The following NALF1 variants were observed in gnomAD, a reference collection of about 807,000 sequenced individuals.
NALF1 encodes the protein family with sequence similarity 155 member A.
NALF1 carries 3 observed loss-of-function variants against 48.4 expected under a neutral mutation model. The ratio of observed to expected loss-of-function variants is 0.06; its 90% CI spans 0.03 to 0.16. The LOEUF (loss-of-function observed/expected upper bound fraction) is 0.16, where lower values mean the gene tolerates loss of function less well. Ranked by LOEUF, NALF1 falls within the 10% of genes least tolerant of loss-of-function variation. NALF1 has a pLI of 1.00. For missense variants in NALF1, 526 were observed against 571.5 expected, an observed-to-expected ratio of 0.92 and a Z score of 0.81; for synonymous variants, 262 against 245.7, an observed-to-expected ratio of 1.07 and a Z score of -0.62.
chr13:107,350,828 G>A (rs1464883028), intron 1 of NALF1, among the ~76,000 whole-genome samples: 1 of 152,136 alleles, frequency 6.6e-6, no homozygotes, highest in East Asian at 1.9e-4. Context: ...TGAATGTGTG[G>A]GTCTTGGGTA....
intron 1 of NALF1, among the ~76,000 whole-genome samples, chr13:107,469,398 G>GA (rs914269937): frequency 1.3e-4 from 19 of 151,834 alleles, no homozygotes; most frequent in Admixed American, 1.2e-3. Flanking sequence ...TATGGCAGCA[G>GA]AAAAAAAATG....
intron 1 of NALF1, among the ~76,000 whole-genome samples, chr13:107,509,520 G>C (rs1875810215): frequency 6.6e-6 from 1 of 152,106 alleles, no homozygotes; most frequent in Admixed American, 6.6e-5. Context: ...CCAAACACTT[G>C]TCAGTTTGTC....
chr13:107,855,810 C>G (rs1474783420), intron 1 of NALF1, among the ~76,000 whole-genome samples: 3 of 152,146 alleles, frequency 2.0e-5, no homozygotes, highest in African/African-American at 7.2e-5. Context: ...ACTGAGTTTG[C>G]CCATGATGTT....
At chr13:107,194,073 G>A (rs527293192) in intron 2 of NALF1, among the ~76,000 whole-genome samples, 83 of 149,588 alleles carry the variant, frequency 5.5e-4, no homozygotes, top group Middle Eastern at 3.5e-3. Flanking sequence ...TCAATCTATC[G>A]TTTTAATGAA....
At chr13:107,197,002 G>T (rs1566447691) in intron 2 of NALF1, among the ~76,000 whole-genome samples, 1 of 152,094 alleles carries the variant, frequency 6.6e-6, no homozygotes, top group Non-Finnish European at 1.5e-5. Context: ...TTGGAGGTGG[G>T]GCCTTTGGAA....
chr13:107,555,249 GTTTGA>G (rs753680465), intron 1 of NALF1, among the ~76,000 whole-genome samples: 1 of 150,622 alleles, frequency 6.6e-6, no homozygotes, highest in South Asian at 2.1e-4. Flanking sequence ...GGGAGAAGAT[GTTTGA>G]TTTATTATTA....
At chr13:107,733,031 T>A (rs1021967693) in intron 1 of NALF1, among the ~76,000 whole-genome samples, 5 of 152,136 alleles carry the variant, frequency 3.3e-5, no homozygotes, top group Non-Finnish European at 5.9e-5. Context: ...ATATAAAGAA[T>A]GTATGAAATA....
At chr13:107,197,514 G>A (rs1594065307) in intron 2 of NALF1, among the ~76,000 whole-genome samples, 1 of 152,090 alleles carries the variant, frequency 6.6e-6, no homozygotes, top group Non-Finnish European at 1.5e-5. Context: ...TTGAGCTACC[G>A]TGTTAGACAA....
intron 1 of NALF1, among the ~76,000 whole-genome samples, chr13:107,233,022 C>T (rs1880259410): frequency 2.0e-5 from 3 of 152,156 alleles, no homozygotes; most frequent in African/African-American, 4.8e-5. Flanking sequence ...CACCTTCAGT[C>T]CCCATATTCT....
chr13:107,707,578 C>G (rs1439157102), intron 1 of NALF1, among the ~76,000 whole-genome samples: 3 of 152,184 alleles, frequency 2.0e-5, no homozygotes, highest in Non-Finnish European at 2.9e-5. Flanking sequence ...TTTAAATAAG[C>G]AATTATTGAG....
At chr13:107,193,089 T>G (rs1435732718) in intron 2 of NALF1, among the ~76,000 whole-genome samples, 1 of 152,148 alleles carries the variant, frequency 6.6e-6, no homozygotes, top group Non-Finnish European at 1.5e-5. Context: ...TATTTAATGG[T>G]TTGAAACACT....
At chr13:107,265,165 A>C (rs920134560) in intron 1 of NALF1, among the ~76,000 whole-genome samples, 4 of 152,140 alleles carry the variant, frequency 2.6e-5, no homozygotes, top group Non-Finnish European at 5.9e-5. Flanking sequence ...TTTTTAATAT[A>C]TTTTTCACCA....
intron 1 of NALF1, among the ~76,000 whole-genome samples, chr13:107,585,333 A>T (rs538897275): frequency 1.3e-5 from 2 of 152,016 alleles, no homozygotes; most frequent in East Asian, 1.9e-4. Context: ...AAGAAAAAAA[A>T]TACTCGGTAA....
At chr13:107,753,623 AGAAAT>A (rs1230950116) in intron 1 of NALF1, among the ~76,000 whole-genome samples, 1 of 152,180 alleles carries the variant, frequency 6.6e-6, no homozygotes, top group Non-Finnish European at 1.5e-5. Context: ...CAAGGCAAAA[AGAAAT>A]GAAATATTAC....
At chr13:107,450,508 G>A (rs913784145) in intron 1 of NALF1, among the ~76,000 whole-genome samples, 3 of 152,270 alleles carry the variant, frequency 2.0e-5, no homozygotes, top group Admixed American at 6.5e-5. Flanking sequence ...AGGATGAAGC[G>A]CAGGAATAAG....
At chr13:107,285,442 T>C (rs1038352835) in intron 1 of NALF1, among the ~76,000 whole-genome samples, 1 of 152,208 alleles carries the variant, frequency 6.6e-6, no homozygotes, top group Non-Finnish European at 1.5e-5. Context: ...GTTCTTAGAC[T>C]AGACAGTCTG....
chr13:107,213,855 C>G (rs959839099), intron 1 of NALF1, among the ~76,000 whole-genome samples: 2 of 152,106 alleles, frequency 1.3e-5, no homozygotes, highest in African/African-American at 4.8e-5. Flanking sequence ...GAATATACTG[C>G]GGCTAAGAGC....
intron 1 of NALF1, among the ~76,000 whole-genome samples, chr13:107,837,156 T>C (rs1237098384): frequency 6.6e-6 from 1 of 152,230 alleles, no homozygotes; most frequent in Non-Finnish European, 1.5e-5. Flanking sequence ...CTCAGAAATG[T>C]GTCCCCTAGC....
At chr13:107,432,398 C>T (rs751300916) in intron 1 of NALF1, among the ~76,000 whole-genome samples, 1 of 152,148 alleles carries the variant, frequency 6.6e-6, no homozygotes, top group African/African-American at 2.4e-5. Context: ...GGCAAAGTAG[C>T]TCTAGATCAG....
Sources: gnomAD v4.1 joint callset for allele counts (sites outside exome capture counted in the v4.1 genomes callset) on GRCh38, gnomAD v4.1.1 for gene constraint, MANE v1.5 for transcripts, NCBI Gene and HGNC (gene_info 2026-07-23, HGNC 2026-07-21) for gene names.